TSPOAP1: variants seen among roughly 807,000 people sequenced by gnomAD.
The protein encoded by TSPOAP1 is peripheral-type benzodiazepine receptor-associated protein 1.
In TSPOAP1, 87 loss-of-function variants were observed where a neutral mutation model predicts 197.0. That is an observed-to-expected ratio of 0.44 (90% CI 0.37 to 0.53). The LOEUF is 0.53. Among genes scored for constraint, TSPOAP1 ranks in the 20% least tolerant of loss-of-function variants. TSPOAP1 has a pLI of 0.00. For synonymous variants in TSPOAP1, 913 were observed against 998.9 expected, an observed-to-expected ratio of 0.91 and a Z score of 1.62; for missense variants, 2,174 against 2,411.3, an observed-to-expected ratio of 0.90 and a Z score of 2.06.
intron 16 of TSPOAP1, among the ~76,000 whole-genome samples, chr17:58,314,390 T>C (rs1289888499): frequency 6.6e-6 from 1 of 152,216 alleles, no homozygotes. Flanking sequence ...GTTAAGGATC[T>C]TGAGATGAGA....
chr17:58,321,630 C>T (rs147946921), intron 10 of TSPOAP1, among the ~76,000 whole-genome samples: 39 of 152,276 alleles, frequency 2.6e-4, no homozygotes, highest in African/African-American at 8.4e-4. Context: ...TAAAACATAA[C>T]TCAAACCCAG....
In TSPOAP1 at chr17:58,312,375, C is replaced by G; in HGVS notation, c.2446G>C (p.Glu816Gln). ...TGGAAGCCGTGTAGCTCCACTTGCT[C>G]AGGAGGCGGCTCCCAGGCCAGCACC... ...SVVLAWEPPP[E>Q]QVELHGFHIC... The change falls in exon 17 of 32, where the codon GAG becomes CAG. Residue 816 changes from glutamate (E) to glutamine (Q), a missense_variant. Coordinates refer to ENST00000343736, the MANE Select transcript of TSPOAP1 (RefSeq NM_004758.4). 6.2e-7 allele frequency: 1 copy of G among 1,611,876 alleles called. No individual in the cohort carries two copies. The highest frequency in any genetic ancestry group is 1.1e-5 in the South Asian group (1 of 90,894).
At chr17:58,325,486 G>A (rs780620541) in intron 4 of TSPOAP1, 48 bp downstream of exon 4, 1 of 1,604,626 alleles carries the variant, frequency 6.2e-7, no homozygotes, top group Non-Finnish European at 8.5e-7. Flanking sequence ...CAGGCAGATG[G>A]CCCTGTGCAG....
At position 58,312,180 on chromosome 17, in the gene TSPOAP1, C is replaced by T. The variant is rs776166568; in HGVS notation, c.2641G>A (p.Ala881Thr). 2 of 1,612,914 alleles carry T rather than the reference C, an allele frequency of 1.2e-6. No homozygotes were observed. Among genetic ancestry groups the T allele is most frequent in the Non-Finnish European group, 1.7e-6 (2 of 1,179,934 alleles). Residue 881 changes from alanine to threonine, a missense_variant, in exon 17 of 32, where the codon GCC becomes ACC. This residue lies in a region of TSPOAP1 where 1,933 missense variants were observed against 2,139.0 expected (regional missense o/e 0.90). Transcript: ENST00000343736. ...LRCCLAVGAR[A>T]GVVPSQLRVH... The stretch of plus-strand genomic sequence containing the variant: ...CGCAGCTGGCTGGGCACCACTCCGG[C>T]CCGGGCACCCACCGCCAAGCAACAG...
At chr17:58,316,318 T>C (rs1178096384) in intron 15 of TSPOAP1, 107 bp downstream of exon 15, 1 of 1,154,514 alleles carries the variant, frequency 8.7e-7, no homozygotes, top group Non-Finnish European at 1.3e-6. Flanking sequence ...GTCCATTGTG[T>C]CCTGTACTGC....
rs757559811 is a variant in TSPOAP1 at position 58,308,665 on chromosome 17, G to A, written c.4607C>T (p.Pro1536Leu). The change falls in exon 22 of 32, where the codon CCC (proline) becomes CTC (leucine). Residue 1536 changes from proline (P) to leucine (L), a missense_variant. Physicochemically the swap from Pro to Leu is moderately conservative, Grantham distance 98. This residue lies in a region of TSPOAP1 where 1,933 missense variants were observed against 2,139.0 expected (regional missense o/e 0.90). Transcript: ENST00000343736. Reference sequence around the variant, plus strand: ...TGAATTGGCCTTCGGAGGCCCCCTGGGCCTTCCTACAGTTGCTGTGCCCCA... The same window carrying A: ...TGAATTGGCCTTCGGAGGCCCCCTGAGCCTTCCTACAGTTGCTGTGCCCCA... Reference protein sequence around the residue: ...EAWGTATVGRPRGPPKANSGP... With the variant: ...EAWGTATVGRLRGPPKANSGP... The A allele has an allele frequency of 8.1e-6, 13 of 1,612,072 alleles. No individual in the cohort carries two copies. Among genetic ancestry groups the A allele is most frequent in the Non-Finnish European group, 1.1e-5 (13 of 1,179,346 alleles).
At chr17:58,319,697 C>T (rs1421438547) in intron 12 of TSPOAP1, among the ~76,000 whole-genome samples, 1 of 152,262 alleles carries the variant, frequency 6.6e-6, no homozygotes, top group African/African-American at 2.4e-5. Flanking sequence ...GCAACTCAAA[C>T]CCGTTCCCTG....
At chr17:58,314,073 G>T (rs537967526) in intron 16 of TSPOAP1, among the ~76,000 whole-genome samples, 1 of 152,332 alleles carries the variant, frequency 6.6e-6, no homozygotes, top group Non-Finnish European at 1.5e-5. Context: ...TTGAGAGGAA[G>T]GGGGAGCACG....
Position 58,322,860 on chromosome 17 carries a change from T to G in TSPOAP1, c.1195-84A>C. 1 of 1,603,534 alleles carries G rather than the reference T, an allele frequency of 6.2e-7. No homozygotes were observed. Among genetic ancestry groups the G allele is most frequent in the South Asian group, 1.1e-5 (1 of 90,150 alleles). ...CACAGGGGGAACAGTACCCTACCCC[T>G]GCTCAGGGGTGGAGGAGAAAGCCCC... On this transcript the variant is annotated intron_variant, in intron 8 of 31. Coordinates refer to ENST00000343736, the MANE Select transcript of TSPOAP1 (RefSeq NM_004758.4). The surrounding 1 kb of genome is among the most constrained non-coding windows in gnomAD (Gnocchi z 5.0).
chr17:58,323,510 C>A lies in TSPOAP1; in HGVS notation c.978G>T (p.Val326=). Residue 326 remains valine (V), a synonymous_variant, in exon 6 of 32, where the codon GTG becomes GTT. Coordinates refer to ENST00000343736, the MANE Select transcript of TSPOAP1 (RefSeq NM_004758.4). The part of the protein sequence containing the change: ...TPQEDADNLP[V]ILGEPEKEQR... The stretch of plus-strand genomic sequence containing the variant: ...GCTCTTTCTCTGGCTCCCCTAGAAT[C>A]ACGGGTAGGTTGTCCGCATCCTCCT... 5 of 1,614,176 alleles carry A rather than the reference C, an allele frequency of 3.1e-6. No individual in the cohort carries two copies. Among genetic ancestry groups the A allele is most frequent in the Non-Finnish European group, 4.2e-6 (5 of 1,180,000 alleles).
intron 16 of TSPOAP1, 47 bp downstream of exon 16, chr17:58,315,976 C>T: frequency 1.4e-6 from 2 of 1,430,584 alleles, no homozygotes; most frequent in Non-Finnish European, 2.0e-6. Context: ...GGAACATGGG[C>T]TCAAAGGCAG....
chr17:58,306,816 A>G lies in TSPOAP1; in HGVS notation c.5136T>C (p.Ile1712=), dbSNP rs111608552. 5.3e-3 allele frequency: 8,632 copies of G among 1,613,668 alleles called. 415 individuals carry two copies. In the African/African-American group the frequency reaches 0.1, roughly 19 times the overall value. ...LLQRGYLSPD[I]LLEGSGNGPF... ...AGGTCATACCTGAGCCCTCAAGGAG[A>G]ATATCTGGGGACAAATAACCCCGCT... The change falls in exon 25 of 32, where the codon ATT becomes ATC. Residue 1712 remains isoleucine, a synonymous_variant. Coordinates refer to ENST00000343736, the MANE Select transcript of TSPOAP1 (RefSeq NM_004758.4).
In TSPOAP1 at chr17:58,306,369, G is replaced by A. The variant is rs1342145380; in HGVS notation, c.5197C>T (p.Pro1733Ser). The A allele has an allele frequency of 9.6e-6, 15 of 1,554,740 alleles. No homozygotes were observed. The highest frequency in any genetic ancestry group is 7.8e-5 in the Admixed American group (4 of 51,476). Reference protein sequence around the residue: ...VYSTAHTTGPPPKPRRSKKAE... With the variant: ...VYSTAHTTGPSPKPRRSKKAE... ...TTCTTGGAGCGGCGGGGCTTGGGAG[G>A]AGGCCCAGTTGTGTGGGCTGTGGAG... is the stretch of plus-strand genomic sequence containing the variant. Residue 1733 changes from proline (P) to serine (S), a missense_variant, in exon 26 of 32, where the codon CCT (proline) becomes TCT (serine). Transcript: ENST00000343736.
chr17:58,305,692 C>T lies in TSPOAP1; in HGVS notation c.5258-49G>A, dbSNP rs3744103. ...TCTGGACTCTCTGGAGAGCCCTACA[C>T]CCCATCCTGTCTTCTGCCCCGGACC... On this transcript the variant is annotated intron_variant, in intron 27 of 31. Coordinates refer to ENST00000343736, the MANE Select transcript of TSPOAP1 (RefSeq NM_004758.4). 0.068 allele frequency: 93,071 copies of T among 1,364,492 alleles called. 3,487 individuals carry two copies. The highest frequency in any genetic ancestry group is 0.1 in the South Asian group (7,934 of 76,862). 84.5% of individuals were successfully genotyped at this position (1,364,492 alleles called of 1,614,324 possible).
At chr17:58,325,481 A>G in intron 4 of TSPOAP1, 53 bp downstream of exon 4, 2 of 1,601,294 alleles carry the variant, frequency 1.2e-6, no homozygotes, top group East Asian at 4.5e-5. Flanking sequence ...CACAACAGGC[A>G]GATGGCCCTG....
At position 58,304,375 on chromosome 17, in the gene TSPOAP1, ACTGGAC is replaced by A. The variant is rs545954208; in HGVS notation, c.5563_5568del (p.Val1855_Gln1856del). 33 of 1,613,912 alleles carry A rather than the reference ACTGGAC, an allele frequency of 2.0e-5. No individual in the cohort carries two copies. The African/African-American group carries it at 4.0e-4, about 20-fold the overall frequency. ...CTACATATATCTATCTCCATCTAGCACTGGACTCTTCTCCTCCTCGTTCTCTGAGGA... is the reference window on the plus strand; with the variant it reads ...CTACATATATCTATCTCCATCTAGCATCTTCTCCTCCTCGTTCTCTGAGGA... On this transcript the variant is annotated inframe_deletion, in exon 31 of 32. Coordinates refer to ENST00000343736, the MANE Select transcript of TSPOAP1 (RefSeq NM_004758.4). This position sits in a 1 kb window ranked among gnomAD's most constrained non-coding sequence, Gnocchi z 4.2.
chr17:58,315,909 A>ATGGT (rs1282628689), intron 16 of TSPOAP1, 114 bp downstream of exon 16: 70 of 801,344 alleles, frequency 8.7e-5, no homozygotes, highest in Non-Finnish European at 1.3e-4. Context: ...GGATGGATGG[A>ATGGT]TGGATGGATG....
chr17:58,310,220 G>A, intron 20 of TSPOAP1, 62 bp from the exon 21 acceptor site: 2 of 1,522,354 alleles, frequency 1.3e-6, no homozygotes, highest in South Asian at 1.2e-5. Context: ...GGGGTTCCAG[G>A]CAGGGTCAGC....
At position 58,312,393 on chromosome 17, in the gene TSPOAP1, C is replaced by A; in HGVS notation, c.2428G>T (p.Ala810Ser). ...LKQLAHSVVL[A>S]WEPPPEQVEL... ...ACTTGCTCAGGAGGCGGCTCCCAGG[C>A]CAGCACCACGCTGTGGGCCAGCTGC... Residue 810 changes from alanine to serine, a missense_variant, in exon 17 of 32, where the codon GCC becomes TCC. By Grantham distance (99) the Ala-to-Ser change is moderately conservative (BLOSUM62 1). Transcript: ENST00000343736. The A allele has an allele frequency of 1.9e-6, 3 of 1,612,428 alleles. No homozygotes were observed. The highest frequency in any genetic ancestry group is 2.5e-6 in the Non-Finnish European group (3 of 1,179,432).
Sources: allele counts gnomAD v4.1 joint callset (sites outside exome capture counted in the v4.1 genomes callset), GRCh38; gene constraint gnomAD v4.1.1; regional missense constraint gnomAD v4.1.1; non-coding constraint Gnocchi (gnomAD v3.1); transcripts MANE v1.5; gene names NCBI Gene and HGNC (gene_info 2026-07-23, HGNC 2026-07-21).